RELB: variants seen among roughly 807,000 people sequenced by gnomAD.
RELB encodes the protein transcription factor RelB.
In RELB, 14 loss-of-function variants were observed where a neutral mutation model predicts 55.4. The ratio of observed to expected loss-of-function variants is 0.25; its 90% CI spans 0.17 to 0.40. The LOEUF is 0.40. Ranked by LOEUF, RELB falls within the 10% of genes least tolerant of loss-of-function variation. The pLI, the probability that RELB is intolerant of heterozygous loss-of-function variation, is 1.00. For synonymous variants in RELB, 409 were observed against 371.3 expected, an observed-to-expected ratio of 1.10 and a Z score of -1.17; for missense variants, 669 against 830.7, an observed-to-expected ratio of 0.81 and a Z score of 2.39.
intron 8 of RELB, among the ~76,000 whole-genome samples, chr19:45,031,233 T>C (rs75323915): frequency 0.012 from 1,785 of 151,968 alleles, 40 homozygotes; most frequent in African/African-American, 0.041. Context: ...AGAACCAGGC[T>C]CTCGCTCTGT....
intron 4 of RELB, among the ~76,000 whole-genome samples, chr19:45,018,342 T>C (rs531972220): frequency 6.6e-6 from 1 of 151,954 alleles, no homozygotes; most frequent in African/African-American, 2.4e-5. Flanking sequence ...AGGTGGAGCG[T>C]GCAGTGAGCT....
intron 3 of RELB, among the ~76,000 whole-genome samples, chr19:45,011,635 C>T (rs368527984): frequency 2.0e-5 from 3 of 151,508 alleles, no homozygotes; most frequent in East Asian, 2.0e-4. Context: ...TTTGTAGAGA[C>T]GGGGTTTCAC....
At chr19:45,021,562 A>C (rs1971488403) in intron 4 of RELB, among the ~76,000 whole-genome samples, 1 of 142,584 alleles carries the variant, frequency 7.0e-6, no homozygotes, top group African/African-American at 2.6e-5. Context: ...GGTTTAGGAT[A>C]TCAAAGTGGC....
At chr19:45,011,713 T>C (rs967751496) in intron 3 of RELB, among the ~76,000 whole-genome samples, 24 of 145,866 alleles carry the variant, frequency 1.6e-4, no homozygotes, top group Admixed American at 1.3e-3. Context: ...TCCCAAGGTG[T>C]TGGGATTACA....
intron 2 of RELB, among the ~76,000 whole-genome samples, chr19:45,004,504 G>A (rs1971258973): frequency 1.3e-5 from 2 of 151,488 alleles, no homozygotes; most frequent in African/African-American, 4.8e-5. Context: ...GATTACAGGC[G>A]CGAGCCACCG....
rs190132043 is a variant in RELB, at chr19:45,003,544, T to C, written c.154+548T>C. The C allele has an allele frequency of 2.9e-5, 15 of 516,734 alleles. No individual in the cohort carries two copies. In the East Asian group the frequency reaches 7.1e-4, roughly 24 times the overall value. 32.0% of individuals were successfully genotyped at this position (516,734 alleles called of 1,614,324 possible). On this transcript the variant is annotated intron_variant, in intron 2 of 11. Coordinates refer to ENST00000221452, the MANE Select transcript of RELB (RefSeq NM_006509.4). ...CCACCTATCCATGCGCAAAGGCTTC[T>C]TTAGAGATTCACTGTGGCTTAGTAG...
chr19:45,014,965 T>C (rs7249245), intron 4 of RELB, among the ~76,000 whole-genome samples: 105,723 of 148,886 alleles, frequency 0.71, 38,114 homozygotes, highest in African/African-American at 0.85. Flanking sequence ...TGCAGTGGTG[T>C]GATCTCAGCT....
At chr19:45,029,035 G>T in intron 8 of RELB, 43 bp downstream of exon 8, 3 of 1,376,664 alleles carry the variant, frequency 2.2e-6, no homozygotes. Context: ...GCGGGGTCTG[G>T]CAACTTGGAG....
intron 2 of RELB, among the ~76,000 whole-genome samples, chr19:45,005,030 G>A (rs1971265893): frequency 6.6e-6 from 1 of 151,880 alleles, no homozygotes; most frequent in African/African-American, 2.4e-5. Flanking sequence ...AATTAGCCAG[G>A]CGTGGTGGCA....
chr19:45,001,749 G>A, intron 1 of RELB, 64 bp downstream of exon 1: 1 of 1,124,066 alleles, frequency 8.9e-7, no homozygotes, highest in Non-Finnish European at 1.2e-6. Flanking sequence ...GGATTCTGGC[G>A]GTCCCGGAGT....
In RELB at chr19:45,029,939, G is replaced by A. The variant is rs140070874; in HGVS notation, c.991+947G>A. Among the ~76,000 whole-genome samples the A allele has an allele frequency of 9.0e-3, 1,369 of 152,052 alleles. 17 individuals carry two copies. The highest frequency in any genetic ancestry group is 0.031 in the African/African-American group (1,298 of 41,498). Reference sequence around the variant, plus strand: ...CTAGCACAGTTTTGGAGGCTGAGGCGGGCAGATCACTTGAACTCAGGAGTT... The same window carrying A: ...CTAGCACAGTTTTGGAGGCTGAGGCAGGCAGATCACTTGAACTCAGGAGTT... On this transcript the variant is annotated intron_variant, in intron 8 of 11. Transcript: ENST00000221452.
At chr19:45,003,725 G>C (rs892182416) in intron 2 of RELB, among the ~76,000 whole-genome samples, 7 of 151,574 alleles carry the variant, frequency 4.6e-5, no homozygotes, top group African/African-American at 1.7e-4. Context: ...CTCTTTCAGG[G>C]AAATTGAGAG....
chr19:45,026,854 G>A (rs1971564219), intron 7 of RELB, among the ~76,000 whole-genome samples: 1 of 152,156 alleles, frequency 6.6e-6, no homozygotes, highest in African/African-American at 2.4e-5. Context: ...TAACTGGTAG[G>A]TTTTAGCCAA....
At chr19:45,026,144 A>G (rs370566709) in intron 7 of RELB, among the ~76,000 whole-genome samples, 8 of 152,132 alleles carry the variant, frequency 5.3e-5, no homozygotes, top group African/African-American at 1.9e-4. Context: ...CAGGAGGCTG[A>G]GGCAGAAGAA....
intron 4 of RELB, among the ~76,000 whole-genome samples, chr19:45,018,713 G>A (rs1319839318): frequency 6.8e-6 from 1 of 147,408 alleles, no homozygotes; most frequent in Non-Finnish European, 1.5e-5. Context: ...TTTCGCTCTT[G>A]TTGCCCAGGC....
chr19:45,014,903 A>AT (rs11289208), intron 4 of RELB, among the ~76,000 whole-genome samples: 145 of 130,790 alleles, frequency 1.1e-3, no homozygotes, highest in Middle Eastern at 4.1e-3. Flanking sequence ...TGGATTCAGG[A>AT]TTTTTTTTTT....
rs755505140 is a variant in RELB at position 45,028,912 on chromosome 19, G to A, written c.911G>A (p.Arg304Gln). The change falls in exon 8 of 12, where the codon CGG becomes CAG. Residue 304 changes from arginine to glutamine, a missense_variant. By Grantham distance (43) the Arg-to-Gln change is conservative. This residue lies in a region of RELB where 341 missense variants were observed against 436.8 expected (regional missense o/e 0.78). Coordinates refer to ENST00000221452, the MANE Select transcript of RELB (RefSeq NM_006509.4). Reference protein sequence around the residue: ...DKKSTNTSELRICRINKESGP... With the variant: ...DKKSTNTSELQICRINKESGP... ...GAATCCACAAACACATCAGAGCTGCGGATTTGCCGAATTAACAAGGAAAGC... is the reference window on the plus strand; with the variant it reads ...GAATCCACAAACACATCAGAGCTGCAGATTTGCCGAATTAACAAGGAAAGC... The A allele has an allele frequency of 3.8e-6, 6 of 1,599,220 alleles. No homozygotes were observed. The highest frequency in any genetic ancestry group is 1.3e-5 in the African/African-American group (1 of 74,602).
chr19:45,032,384 A>G (rs1406464582), intron 8 of RELB, 150 bp from the exon 9 acceptor site: 1 of 623,526 alleles, frequency 1.6e-6, no homozygotes, highest in Admixed American at 2.8e-5. Flanking sequence ...GCGCCATTGC[A>G]CTCCAGCCTG....
At chr19:45,036,437 G>A (rs190406171) in intron 11 of RELB, among the ~76,000 whole-genome samples, 24 of 152,222 alleles carry the variant, frequency 1.6e-4, no homozygotes, top group African/African-American at 4.6e-4. Context: ...TCCCCATTAT[G>A]CCTGAGAATG....
Sources: allele counts gnomAD v4.1 joint callset (sites outside exome capture counted in the v4.1 genomes callset), GRCh38; gene constraint gnomAD v4.1.1; regional missense constraint gnomAD v4.1.1; transcripts MANE v1.5; gene names NCBI Gene and HGNC (gene_info 2026-07-23, HGNC 2026-07-21).